Variants in MGAT4C observed in about 807,000 individuals in gnomAD.
MGAT4C encodes the protein alpha-1,3-mannosyl-glycoprotein 4-beta-N-acetylglucosaminyltransferase C.
A neutral mutation model predicts 40.1 loss-of-function variants in MGAT4C; 19 were observed. The observed-to-expected ratio is 0.47, with a 90% CI of 0.33 to 0.70. The LOEUF is 0.70. Ranked by LOEUF, MGAT4C falls within the 30% of genes least tolerant of loss-of-function variation. The pLI, the probability that MGAT4C is intolerant of heterozygous loss-of-function variation, is 0.02. For synonymous variants in MGAT4C, 181 were observed against 187.1 expected (o/e 0.97, Z 0.27); for missense variants, 491 against 563.2 (o/e 0.87, Z 1.30).
intron 1 of MGAT4C, among the ~76,000 whole-genome samples, chr12:86,128,733 G>A (rs1880704819): frequency 6.6e-6 from 1 of 152,088 alleles, no homozygotes; most frequent in Non-Finnish European, 1.5e-5. Context: ...CCAGAGTTTA[G>A]TACTTCTGCT....
intron 1 of MGAT4C, among the ~76,000 whole-genome samples, chr12:86,200,070 T>G (rs116863352): frequency 0.02 from 3,018 of 149,746 alleles, 52 homozygotes; most frequent in South Asian, 0.057. Context: ...TCTATTCCCA[T>G]AAATAAATCT....
intron 3 of MGAT4C, among the ~76,000 whole-genome samples, chr12:86,373,038 CAATT>C (rs1955750842): frequency 6.6e-6 from 1 of 150,998 alleles, no homozygotes; most frequent in African/African-American, 2.4e-5. Context: ...AAGAAGGCAA[CAATT>C]ATTTATATAA....
upstream of MGAT4C, chr12:86,838,855 TC>T (rs1953093429): frequency 6.6e-6 from 1 of 152,208 alleles, no homozygotes; most frequent in Non-Finnish European, 1.5e-5. Flanking sequence ...TGCATTCTGT[TC>T]CCCAGGGATG....
chr12:86,340,505 C>T (rs917580809), intron 3 of MGAT4C, among the ~76,000 whole-genome samples: 1 of 151,728 alleles, frequency 6.6e-6, no homozygotes, highest in East Asian at 1.9e-4. Flanking sequence ...AAGAAGGAAA[C>T]CATAAAGATT....
chr12:86,154,378 A>G (rs1287077601), intron 1 of MGAT4C, among the ~76,000 whole-genome samples: 2 of 152,124 alleles, frequency 1.3e-5, no homozygotes, highest in African/African-American at 4.8e-5. Context: ...TCCCTTAGGT[A>G]TATAATTGGG....
chr12:86,822,023 T>C (rs1344331420), intron 1 of MGAT4C, among the ~76,000 whole-genome samples: 1 of 150,988 alleles, frequency 6.6e-6, no homozygotes, highest in Non-Finnish European at 1.5e-5. Flanking sequence ...ACAATACGAC[T>C]AGGTATAAAT....
intron 3 of MGAT4C, among the ~76,000 whole-genome samples, chr12:86,378,376 T>C (rs1171172905): frequency 6.6e-6 from 1 of 152,214 alleles, no homozygotes; most frequent in Non-Finnish European, 1.5e-5. Flanking sequence ...AAAATAAGGA[T>C]GTGATTTTTC....
chr12:86,611,456 T>TGATAGATGATAGATAGATA (rs1555210962), intron 2 of MGAT4C, among the ~76,000 whole-genome samples: 2 of 143,548 alleles, frequency 1.4e-5, no homozygotes, highest in African/African-American at 5.2e-5. Context: ...GATAGATAGA[T>TGATAGATGATAGATAGATA]GATAGATAGA....
intron 2 of MGAT4C, among the ~76,000 whole-genome samples, chr12:86,038,599 T>A (rs1488229647): frequency 1.3e-5 from 2 of 149,318 alleles, no homozygotes; most frequent in Admixed American, 1.3e-4. Flanking sequence ...TAAATATTCC[T>A]CCATCCCTTT....
Position 86,359,993 on chromosome 12 carries a change from A to G in MGAT4C, c.-119-25866T>C, listed in dbSNP as rs551670985. ...TAACTCTTTTTATGAGGCCAGCATC[A>G]TCCTGATACCAAAGCTGGGCAGAGA... On this transcript the variant is annotated intron_variant, in intron 3 of 7. Transcript: ENST00000548651. 5.9e-5 allele frequency among the ~76,000 whole-genome samples: 9 copies of G among 152,334 alleles called. No homozygotes were observed. In the South Asian group the frequency reaches 1.2e-3, roughly 21 times the overall value.
intron 1 of MGAT4C, among the ~76,000 whole-genome samples, chr12:86,735,520 G>A (rs1437635505): frequency 6.6e-6 from 1 of 151,830 alleles, no homozygotes; most frequent in Non-Finnish European, 1.5e-5. Flanking sequence ...AATCATAATC[G>A]TGAAGAATCT....
intron 2 of MGAT4C, among the ~76,000 whole-genome samples, chr12:86,020,731 C>T (rs1889623938): frequency 6.6e-6 from 1 of 152,290 alleles, no homozygotes. Context: ...CCAACATTGA[C>T]AAATGGGATC....
intron 2 of MGAT4C, among the ~76,000 whole-genome samples, chr12:86,436,618 A>G (rs1001618199): frequency 5.3e-5 from 8 of 151,656 alleles, no homozygotes; most frequent in African/African-American, 1.9e-4. Flanking sequence ...CTAAGACTCA[A>G]AGGATAAGGA....
intron 2 of MGAT4C, among the ~76,000 whole-genome samples, chr12:86,539,402 A>G (rs2136383184): frequency 6.6e-6 from 1 of 152,264 alleles, no homozygotes; most frequent in South Asian, 2.1e-4. Context: ...CATGTGCCAC[A>G]TTTCTTAATC....
chr12:86,070,714 C>A (rs1895001211), intron 1 of MGAT4C, among the ~76,000 whole-genome samples: 1 of 151,720 alleles, frequency 6.6e-6, no homozygotes, highest in South Asian at 2.1e-4. Context: ...GAAGTATATC[C>A]CATAATACAG....
chr12:86,679,501 GTTCT>G (rs1260130549), intron 2 of MGAT4C, among the ~76,000 whole-genome samples: 1 of 151,924 alleles, frequency 6.6e-6, no homozygotes, highest in Non-Finnish European at 1.5e-5. Flanking sequence ...TGACAAGATT[GTTCT>G]TTCTTTAGGG....
At chr12:86,569,937 A>T (rs766463065) in intron 2 of MGAT4C, among the ~76,000 whole-genome samples, 2 of 152,256 alleles carry the variant, frequency 1.3e-5, no homozygotes, top group Non-Finnish European at 2.9e-5. Flanking sequence ...TGTTAAGTAA[A>T]ATAAACAAAG....
chr12:86,769,130 G>A (rs1293887193), intron 1 of MGAT4C, among the ~76,000 whole-genome samples: 2 of 152,008 alleles, frequency 1.3e-5, no homozygotes, highest in Non-Finnish European at 2.9e-5. Flanking sequence ...CTGACAAAGG[G>A]CTAATATCCA....
At chr12:86,798,872 T>C (rs1297918090) in intron 1 of MGAT4C, among the ~76,000 whole-genome samples, 2 of 151,872 alleles carry the variant, frequency 1.3e-5, no homozygotes, top group African/African-American at 4.8e-5. Context: ...ATAACATCTT[T>C]TATTATTCTG....
Sources: allele counts gnomAD v4.1 joint callset (sites outside exome capture counted in the v4.1 genomes callset), GRCh38; gene constraint gnomAD v4.1.1; transcripts MANE v1.5; gene names NCBI Gene and HGNC (gene_info 2026-07-23, HGNC 2026-07-21).